BMP6: variants seen among roughly 807,000 people sequenced by gnomAD.
BMP6 encodes VG-1-R.
A neutral mutation model predicts 54.1 loss-of-function variants in BMP6; 17 were observed. The observed-to-expected ratio is 0.31, with a 90% confidence interval of 0.22 to 0.47. BMP6 has a LOEUF of 0.47. Among genes scored for constraint, BMP6 ranks in the 20% least tolerant of loss-of-function variants. The probability of loss-of-function intolerance (pLI) is 1.00; values close to 1 mark genes in which losing one functional copy is unlikely to be tolerated. For missense variants in BMP6, 720 were observed against 690.4 expected (o/e 1.04, Z -0.48); for synonymous variants, 328 against 291.2 (o/e 1.13, Z -1.28).
intron 4 of BMP6, among the ~76,000 whole-genome samples, chr6:7,871,917 C>T (rs1721691843): frequency 2.6e-5 from 4 of 151,884 alleles, no homozygotes; most frequent in South Asian, 2.1e-4. Flanking sequence ...CTGAGAACCC[C>T]GCACTTTAGA....
At chr6:7,844,210 G>A (rs9505289) in intron 1 of BMP6, among the ~76,000 whole-genome samples, 2,341 of 152,238 alleles carry the variant, frequency 0.015, 65 homozygotes, top group African/African-American at 0.053. Flanking sequence ...GTTGCAAGTG[G>A]CAGAAGCTCT....
rs193108841 is a variant in BMP6 at position 7,864,802 on chromosome 6, T to A, written c.1204+2304T>A. On this transcript the variant is annotated intron_variant, in intron 4 of 6. Coordinates refer to ENST00000283147, the MANE Select transcript of BMP6 (RefSeq NM_001718.6). ...CACTAGAAACAGTCAGGGTTGGGGT[T>A]TTTGAAAAAGAGAAGAAATGCTTGC... Among the ~76,000 whole-genome samples the A allele has an allele frequency of 4.1e-3, 628 of 152,334 alleles. 1 individual carries two copies. Among genetic ancestry groups the A allele is most frequent in the Middle Eastern group, 0.031 (9 of 294 alleles).
chr6:7,762,617 T>A (rs1171457130), intron 1 of BMP6, among the ~76,000 whole-genome samples: 1 of 152,202 alleles, frequency 6.6e-6, no homozygotes, highest in Non-Finnish European at 1.5e-5. Flanking sequence ...ATAAGCTTCA[T>A]CCCCAGCTTA....
At chr6:7,872,819 T>C (rs1759550860) in intron 4 of BMP6, among the ~76,000 whole-genome samples, 1 of 150,874 alleles carries the variant, frequency 6.6e-6, no homozygotes, top group South Asian at 2.1e-4. Flanking sequence ...TTTTTCTTTT[T>C]TTTTTTTTTT....
chr6:7,852,012 C>G (rs919956910), intron 2 of BMP6, among the ~76,000 whole-genome samples: 1 of 152,140 alleles, frequency 6.6e-6, no homozygotes, highest in African/African-American at 2.4e-5. Flanking sequence ...ATTTCCACTA[C>G]CTGTTTGTTC....
rs566744377 is a variant in BMP6 at position 7,765,799 on chromosome 6, G to A, written c.664+38180G>A. 2.6e-5 allele frequency among the ~76,000 whole-genome samples: 4 copies of A among 152,368 alleles called. No homozygotes were observed. The South Asian group carries it at 8.3e-4, about 32-fold the overall frequency. On this transcript the variant is annotated intron_variant, in intron 1 of 6. Coordinates refer to ENST00000283147, the MANE Select transcript of BMP6 (RefSeq NM_001718.6). ...GTGCCGGCAGGGCCGTGTTCCTTCT[G>A]GAGGCTCTAGGGGAGAATCCATTTC...
chr6:7,789,179 C>T (rs980504108), intron 1 of BMP6, among the ~76,000 whole-genome samples: 1 of 152,108 alleles, frequency 6.6e-6, no homozygotes, highest in Non-Finnish European at 1.5e-5. Context: ...GGATTCTGTA[C>T]CCCTAGCCCT....
At chr6:7,749,215 G>T (rs1378147463) in intron 1 of BMP6, among the ~76,000 whole-genome samples, 1 of 152,336 alleles carries the variant, frequency 6.6e-6, no homozygotes, top group Middle Eastern at 3.4e-3. Flanking sequence ...GCTTAGCTCG[G>T]ATTGCCAGTA....
intron 1 of BMP6, among the ~76,000 whole-genome samples, chr6:7,735,574 T>G (rs996054727): frequency 2.6e-5 from 4 of 152,084 alleles, no homozygotes; most frequent in African/African-American, 9.7e-5. Flanking sequence ...GCTGTACATT[T>G]TTTAGAAAGA....
chr6:7,880,026 T>C lies in BMP6; in HGVS notation c.1317T>C (p.Asn439=). Residue 439 remains asparagine (N), a synonymous_variant, in exon 6 of 7, where the codon AAT becomes AAC. Transcript: ENST00000283147. ...WIIAPKGYAA[N]YCDGECSFPL... is the part of the protein sequence containing the mutation. ...TTGCACCCAAGGGCTATGCTGCCAA[T>C]TACTGTGATGGAGAATGCTCCTTCC... 1 of 1,614,190 alleles carries C rather than the reference T, an allele frequency of 6.2e-7. No homozygotes were observed. The highest frequency in any genetic ancestry group is 8.5e-7 in the Non-Finnish European group (1 of 1,180,038).
At chr6:7,861,236 C>T (rs1478234436) in intron 2 of BMP6, among the ~76,000 whole-genome samples, 9 of 152,176 alleles carry the variant, frequency 5.9e-5, no homozygotes, top group East Asian at 1.9e-4. Flanking sequence ...TTCTATGAAG[C>T]GCCTTATCAG....
At chr6:7,836,556 A>G (rs1228387179) in intron 1 of BMP6, among the ~76,000 whole-genome samples, 1 of 152,180 alleles carries the variant, frequency 6.6e-6, no homozygotes, top group East Asian at 1.9e-4. Flanking sequence ...AAATGTTACT[A>G]TGGGGGGAAG....
intron 1 of BMP6, among the ~76,000 whole-genome samples, chr6:7,763,019 C>T (rs1346426180): frequency 6.6e-6 from 1 of 152,284 alleles, no homozygotes; most frequent in Non-Finnish European, 1.5e-5. Context: ...CCCAGCTCTC[C>T]ACCTGACCTG....
chr6:7,784,738 T>A (rs1025401641), intron 1 of BMP6, among the ~76,000 whole-genome samples: 1 of 152,154 alleles, frequency 6.6e-6, no homozygotes, highest in Non-Finnish European at 1.5e-5. Context: ...GACCATACTT[T>A]GAAGTGGTCT....
chr6:7,806,988 G>A (rs1465117082), intron 1 of BMP6, among the ~76,000 whole-genome samples: 2 of 152,132 alleles, frequency 1.3e-5, no homozygotes, highest in Non-Finnish European at 2.9e-5. Context: ...ATAACCTCCT[G>A]ACAAGAGGAT....
Position 7,727,195 on chromosome 6 carries a change from G to A in BMP6, c.240G>A (p.Gln80=). ...AGACGCAGGAGAAGCGGGAGATGCA[G>A]AAGGAGATCTTGTCGGTGCTGGGGC... ...RLKTQEKREM[Q]KEILSVLGLP... is the part of the protein sequence containing the mutation. The change falls in exon 1 of 7, where the codon CAG becomes CAA. Residue 80 remains glutamine (Q), a synonymous_variant. Transcript: ENST00000283147. The A allele has an allele frequency of 1.2e-6, 2 of 1,604,282 alleles. No individual in the cohort carries two copies. Among genetic ancestry groups the A allele is most frequent in the Non-Finnish European group, 1.7e-6 (2 of 1,176,220 alleles).
At chr6:7,731,191 G>A (rs1014811115) in intron 1 of BMP6, among the ~76,000 whole-genome samples, 1 of 152,208 alleles carries the variant, frequency 6.6e-6, no homozygotes, top group African/African-American at 2.4e-5. Flanking sequence ...GCCTGGGTGA[G>A]CGAGCTCGTG....
rs756925897 is a variant in BMP6, at chr6:7,879,125, T to C, written c.1256T>C (p.Val419Ala). ...GCCTGCAGGAAGCATGAGCTGTATG[T>C]GAGTTTCCAAGACCTGGGATGGCAG... is the stretch of plus-strand genomic sequence containing the variant. Reference protein sequence around the residue: ...KTACRKHELYVSFQDLGWQDW... With the variant: ...KTACRKHELYASFQDLGWQDW... The change falls in exon 5 of 7, where the codon GTG (valine) becomes GCG (alanine). Residue 419 changes from valine to alanine, a missense_variant. Coordinates refer to ENST00000283147, the MANE Select transcript of BMP6 (RefSeq NM_001718.6). 1.2e-6 allele frequency: 2 copies of C among 1,614,042 alleles called. No homozygotes were observed. The highest frequency in any genetic ancestry group is 1.7e-6 in the Non-Finnish European group (2 of 1,179,890).
At chr6:7,791,262 C>T (rs572428429) in intron 1 of BMP6, among the ~76,000 whole-genome samples, 22 of 152,270 alleles carry the variant, frequency 1.4e-4, no homozygotes, top group East Asian at 1.2e-3. Context: ...CTAATGTCAA[C>T]GACTTTGGAC....
Sources: gnomAD v4.1 joint callset for allele counts (sites outside exome capture counted in the v4.1 genomes callset) on GRCh38, gnomAD v4.1.1 for gene constraint, MANE v1.5 for transcripts, NCBI Gene and HGNC (gene_info 2026-07-23, HGNC 2026-07-21) for gene names.